ABCC10: variants seen among roughly 807,000 people sequenced by gnomAD.
The protein encoded by ABCC10 is ATP binding cassette subfamily C member 10, also known as ATP-binding cassette sub-family C member 10.
A neutral mutation model predicts 143.2 loss-of-function variants in ABCC10; 110 were observed. The observed-to-expected ratio is 0.77, with a 90% CI of 0.66 to 0.90. ABCC10 has a LOEUF of 0.90. Among genes scored for constraint, ABCC10 ranks in the 40% least tolerant of loss-of-function variants. The pLI is 0.00. For missense variants in ABCC10, 1,700 were observed against 1,900.5 expected (o/e 0.89, Z 1.96); for synonymous variants, 805 against 846.7 (o/e 0.95, Z 0.85).
At position 43,432,316 on chromosome 6, in the gene ABCC10, G is replaced by T; in HGVS notation, c.336G>T (p.Trp112Cys). ...CAGGGTGCGTGGCAGCTGTGGCCTG[G>T]ATCAGCCACAGCCTGGCCCTGTGGG... Reference protein sequence around the residue: ...VLAGCVAAVAWISHSLALWVL... With the variant: ...VLAGCVAAVACISHSLALWVL... Residue 112 changes from tryptophan to cysteine, a missense_variant, in exon 3 of 22, where the codon TGG becomes TGT. Trp to Cys is a radical substitution (Grantham distance 215, BLOSUM62 -2). Coordinates refer to ENST00000372530, the MANE Select transcript of ABCC10 (RefSeq NM_001198934.2). 2 of 1,614,098 alleles carry T rather than the reference G, an allele frequency of 1.2e-6. No individual in the cohort carries two copies. Among genetic ancestry groups the T allele is most frequent in the Non-Finnish European group, 1.7e-6 (2 of 1,180,018 alleles).
chr6:43,451,118 G>C (rs377583675), downstream of ABCC10: 1 of 1,614,234 alleles, frequency 6.2e-7, no homozygotes, highest in Non-Finnish European at 8.5e-7. The surrounding 1 kb of genome is among the most constrained non-coding windows in gnomAD (Gnocchi z 4.4). Context: ...GGTTTATGCC[G>C]TCAAGGCAGG....
chr6:43,432,779 T>C lies in ABCC10; in HGVS notation c.799T>C (p.Trp267Arg). 2 of 1,614,176 alleles carry C rather than the reference T, an allele frequency of 1.2e-6. No individual in the cohort carries two copies. The highest frequency in any genetic ancestry group is 1.7e-6 in the Non-Finnish European group (2 of 1,180,028). ...CCTGGCTCGTGTCTTCCAGGCACACTGGCAGGAGGGGGCACGGCTGTGGAG... is the reference window on the plus strand; with the variant it reads ...CCTGGCTCGTGTCTTCCAGGCACACCGGCAGGAGGGGGCACGGCTGTGGAG... ...TYLARVFQAH[W>R]QEGARLWRAL... Residue 267 changes from tryptophan to arginine, a missense_variant, in exon 3 of 22, where the codon TGG (tryptophan) becomes CGG (arginine). Transcript: ENST00000372530.
chr6:43,436,504 C>T (rs1489666475), intron 6 of ABCC10, among the ~76,000 whole-genome samples: 1 of 152,172 alleles, frequency 6.6e-6, no homozygotes, highest in Non-Finnish European at 1.5e-5. Context: ...GTGTGCTTGT[C>T]TCTCCATGTC....
Position 43,448,924 on chromosome 6 carries a change from G to A in ABCC10, c.4003G>A (p.Gly1335Arg), listed in dbSNP as rs754495607. ...IIPQEPFLFS[G>R]TVRENLDPQG... is the part of the protein sequence containing the mutation. ...CCCCCAGGAGCCCTTTTTGTTCAGT[G>A]GGACTGTTCGGGAAAACCTGGACCC... Residue 1335 changes from glycine to arginine, a missense_variant, in exon 19 of 22, where the codon GGG becomes AGG. Coordinates refer to ENST00000372530, the MANE Select transcript of ABCC10 (RefSeq NM_001198934.2). 1.9e-6 allele frequency: 3 copies of A among 1,614,114 alleles called. No homozygotes were observed. Among genetic ancestry groups the A allele is most frequent in the African/African-American group, 1.3e-5 (1 of 75,034 alleles).
At chr6:43,436,288 G>A (rs780588277) in intron 6 of ABCC10, 41 bp downstream of exon 6, 12 of 1,596,834 alleles carry the variant, frequency 7.5e-6, no homozygotes, top group African/African-American at 6.7e-5. Flanking sequence ...TCAGACTAAC[G>A]AGAGAGATGG....
chr6:43,442,857 T>C, intron 9 of ABCC10, 113 bp from the exon 10 acceptor site: 2 of 947,824 alleles, frequency 2.1e-6, no homozygotes, highest in Non-Finnish European at 3.0e-6. Flanking sequence ...CCTTCTCTGC[T>C]AGTGTAGGGG....
chr6:43,441,474 C>CAA (rs553846461), intron 8 of ABCC10, among the ~76,000 whole-genome samples: 21 of 133,922 alleles, frequency 1.6e-4, no homozygotes, highest in African/African-American at 4.7e-4. Context: ...GACTCCGTCT[C>CAA]AAAAAAAAAA....
At position 43,441,922 on chromosome 6, in the gene ABCC10, C is replaced by T. The variant is rs1278629881; in HGVS notation, c.2188C>T (p.Gln730Ter). Residue 730 changes from glutamine (Q) to a stop codon, truncating the protein, a stop_gained, in exon 9 of 22, where the codon CAG becomes TAG. Coordinates refer to ENST00000372530, the MANE Select transcript of ABCC10 (RefSeq NM_001198934.2). LOFTEE classifies it high-confidence loss of function. ...GEKGVTLSGG[Q>*]RARIALARAV... ...GAAGGGTGTCACCCTTAGCGGAGGACAGCGTGCCCGGATTGCCCTTGCTCG... is the reference window on the plus strand; with the variant it reads ...GAAGGGTGTCACCCTTAGCGGAGGATAGCGTGCCCGGATTGCCCTTGCTCG... 6.2e-7 allele frequency: 1 copy of T among 1,613,958 alleles called. No individual in the cohort carries two copies. Among genetic ancestry groups the T allele is most frequent in the Non-Finnish European group, 8.5e-7 (1 of 1,179,922 alleles).
intron 12 of ABCC10, 30 bp from the exon 13 acceptor site, chr6:43,444,758 T>G: frequency 6.4e-7 from 1 of 1,556,194 alleles, no homozygotes. Flanking sequence ...AGGAGCCTCT[T>G]ACAGCTTTTT....
chr6:43,430,539 G>A (rs1385464252), intron 2 of ABCC10, among the ~76,000 whole-genome samples: 2 of 151,702 alleles, frequency 1.3e-5, no homozygotes, highest in African/African-American at 2.4e-5. Context: ...AGGTTGCAGC[G>A]AGCTGAGATC....
In ABCC10 at chr6:43,432,920, G is replaced by C; in HGVS notation, c.940G>C (p.Glu314Gln). 1 of 1,614,194 alleles carries C rather than the reference G, an allele frequency of 6.2e-7. No homozygotes were observed. ...LLLSLLVGFL[E>Q]EGQEPLSHGL... ...GCTCTCCCTACTGGTGGGCTTCCTG[G>C]AAGAGGGGCAGGAGCCACTAAGCCA... Residue 314 changes from glutamate (E) to glutamine (Q), a missense_variant, in exon 3 of 22, where the codon GAA becomes CAA. Transcript: ENST00000372530.
At position 43,447,228 on chromosome 6, in the gene ABCC10, C is replaced by T; in HGVS notation, c.3545-20C>T. 3 of 1,608,540 alleles carry T rather than the reference C, an allele frequency of 1.9e-6. No individual in the cohort carries two copies. The highest frequency in any genetic ancestry group is 2.5e-6 in the Non-Finnish European group (3 of 1,177,458). On this transcript the variant is annotated intron_variant, in intron 16 of 21. Coordinates refer to ENST00000372530, the MANE Select transcript of ABCC10 (RefSeq NM_001198934.2). ...CCCGGTGTCCAAGCTCTCCCAGCAG[C>T]TGGTACTTCTCTCCCCCAGGGCTGG... is the stretch of plus-strand genomic sequence containing the variant.
rs1410680129 is a variant in ABCC10, at chr6:43,444,250, CAAG to C, written c.2590_2592del (p.Lys864del). On this transcript the variant is annotated inframe_deletion, in exon 12 of 22. Transcript: ENST00000372530. ...CTGGTCGCCTGCTGCAGGAAGAAAGCAAGAAGGAGGGCGCCGTGGCCTTGCACG... is the reference window on the plus strand; with the variant it reads ...CTGGTCGCCTGCTGCAGGAAGAAAGCAAGGAGGGCGCCGTGGCCTTGCACG... 1.9e-6 allele frequency: 3 copies of C among 1,614,158 alleles called. No homozygotes were observed. The highest frequency in any genetic ancestry group is 2.5e-6 in the Non-Finnish European group (3 of 1,180,018).
intron 7 of ABCC10, 91 bp from the exon 8 acceptor site, chr6:43,438,533 C>A (rs573889709): frequency 1.3e-6 from 2 of 1,521,802 alleles, no homozygotes; most frequent in African/African-American, 1.4e-5. Context: ...TAGAAGACAG[C>A]AGCCTGGGGA....
At position 43,433,268 on chromosome 6, in the gene ABCC10, G is replaced by C. The variant is rs998376744; in HGVS notation, c.1288G>C (p.Ala430Pro). 3 of 1,614,162 alleles carry C rather than the reference G, an allele frequency of 1.9e-6. No homozygotes were observed. The highest frequency in any genetic ancestry group is 1.7e-5 in the Admixed American group (1 of 60,014). The change falls in exon 3 of 22, where the codon GCA becomes CCA. Residue 430 changes from alanine (A) to proline (P), a missense_variant. Ala to Pro is a conservative substitution (Grantham distance 27). Coordinates refer to ENST00000372530, the MANE Select transcript of ABCC10 (RefSeq NM_001198934.2). ...GVAFVGGLIL[A>P]LLLVPVNKVI... ...GGCCTTCGTGGGTGGTCTCATCTTG[G>C]CACTGCTGCTGGTACCCGTCAACAA...
chr6:43,441,215 C>T lies in ABCC10; in HGVS notation c.2128-647C>T, dbSNP rs575325160. ...GTAATAGGCCAGGCACGGTGGCTCA[C>T]GCCTATAATCCCAGCACTTTGGGAG... On this transcript the variant is annotated intron_variant, in intron 8 of 21. Coordinates refer to ENST00000372530, the MANE Select transcript of ABCC10 (RefSeq NM_001198934.2). Among the ~76,000 whole-genome samples the T allele has an allele frequency of 1.3e-4, 20 of 152,336 alleles. No homozygotes were observed. The East Asian group carries it at 3.1e-3, about 24-fold the overall frequency.
chr6:43,434,230 G>A (rs878860611), intron 3 of ABCC10, among the ~76,000 whole-genome samples: 2 of 152,242 alleles, frequency 1.3e-5, no homozygotes, highest in Admixed American at 1.3e-4. Flanking sequence ...TGGGGGGCCA[G>A]CCCCCGAAGC....
rs775724779 is a variant in ABCC10, at chr6:43,438,601, A to G, written c.1956-23A>G. On this transcript the variant is annotated intron_variant, in intron 7 of 21. Coordinates refer to ENST00000372530, the MANE Select transcript of ABCC10 (RefSeq NM_001198934.2). ...GACCCAGAGGAGAGCTGGTCCTCAT[A>G]TTGCTCGCCTGGCTCTCTGCAGGCT... 2.5e-6 allele frequency: 4 copies of G among 1,611,556 alleles called. No individual in the cohort carries two copies. In the South Asian group the frequency reaches 3.3e-5, roughly 13 times the overall value.
intron 2 of ABCC10, 52 bp downstream of exon 2, chr6:43,428,191 C>A (rs1010157972): frequency 7.5e-6 from 11 of 1,462,200 alleles, no homozygotes; most frequent in Non-Finnish European, 9.1e-6. Flanking sequence ...GCAGATCTCA[C>A]CCGCGGCCTA....
Sources: gnomAD v4.1 joint callset for allele counts (sites outside exome capture counted in the v4.1 genomes callset) on GRCh38, gnomAD v4.1.1 for gene constraint, Gnocchi (gnomAD v3.1) non-coding constraint, MANE v1.5 for transcripts, NCBI Gene and HGNC (gene_info 2026-07-23, HGNC 2026-07-21) for gene names.